The following ADGRG4 variants were observed in gnomAD, a reference collection of about 807,000 sequenced individuals.
ADGRG4 encodes adhesion G protein-coupled receptor G4.
ADGRG4 carries 122 observed loss-of-function variants against 126.2 expected under a neutral mutation model. The observed-to-expected ratio is 0.97, with a 90% CI of 0.83 to 1.12. The LOEUF is 1.12. ADGRG4 is among the 50% of genes most tolerant of loss of function. The pLI, the probability that ADGRG4 is intolerant of heterozygous loss-of-function variation, is 0.00. For synonymous variants in ADGRG4, 943 were observed against 838.7 expected, an observed-to-expected ratio of 1.12 and a Z score of -2.15; for missense variants, 2,481 against 2,251.8, an observed-to-expected ratio of 1.10 and a Z score of -2.06.
intron 7 of ADGRG4, among the ~76,000 whole-genome samples, chrX:136,352,368 T>C (rs2075067908): frequency 9.0e-6 from 1 of 110,813 alleles, no homozygotes; most frequent in African/African-American, 3.3e-5. Flanking sequence ...TTCTTCTCTA[T>C]TTAGAAACAA....
chrX:136,317,221 C>T (rs768977880), intron 4 of ADGRG4, among the ~76,000 whole-genome samples: 9 of 110,917 alleles, frequency 8.1e-5, no homozygotes, highest in African/African-American at 1.6e-4. Context: ...CCAAAAGCGG[C>T]CGGGCGTGGT....
chrX:136,399,787 G>A (rs1391616461), intron 20 of ADGRG4, 61 bp from the exon 21 acceptor site: 22 of 949,550 alleles, frequency 2.3e-5, no homozygotes, highest in Non-Finnish European at 3.0e-5. Flanking sequence ...AAGATGTGGC[G>A]ATGTTTAATT....
intron 14 of ADGRG4, among the ~76,000 whole-genome samples, chrX:136,372,462 C>A (rs145809904): frequency 1.2e-3 from 132 of 111,679 alleles, no homozygotes; most frequent in African/African-American, 4.2e-3. Context: ...CCGGAGTAAT[C>A]TTTTAATGTA....
At position 136,349,898 on chromosome X, in the gene ADGRG4, G is replaced by A. The variant is rs761358981; in HGVS notation, c.6192G>A (p.Met2064Ile). Residue 2064 changes from methionine (M) to isoleucine (I), a missense_variant, in exon 6 of 26, where the codon ATG becomes ATA. By Grantham distance (10) the Met-to-Ile change is conservative (BLOSUM62 1). Coordinates refer to ENST00000394143, the MANE Select transcript of ADGRG4 (RefSeq NM_153834.4). Reference sequence around the variant, plus strand: ...TGACAACACTACCCTCTGCTACTATGAGCACCATACTCACCCGAACCATTC... The same window carrying A: ...TGACAACACTACCCTCTGCTACTATAAGCACCATACTCACCCGAACCATTC... ...TNLTTLPSATMSTILTRTIPT... is the reference protein window; with the variant it reads ...TNLTTLPSATISTILTRTIPT... 6 of 1,208,663 alleles carry A rather than the reference G, an allele frequency of 5.0e-6. No individual in the cohort carries two copies. The Admixed American group carries it at 1.1e-4, about 22-fold the overall frequency.
intron 4 of ADGRG4, among the ~76,000 whole-genome samples, chrX:136,312,416 C>T (rs1297243479): frequency 8.9e-6 from 1 of 111,746 alleles, no homozygotes; most frequent in Non-Finnish European, 1.9e-5. Flanking sequence ...CACTTGAGCT[C>T]AGGAGTTTGA....
At chrX:136,328,957 C>G (rs1465645999) in intron 5 of ADGRG4, among the ~76,000 whole-genome samples, 1 of 111,594 alleles carries the variant, frequency 9.0e-6, no homozygotes, top group Non-Finnish European at 1.9e-5. Context: ...CTCCTATAGA[C>G]TCAGAGATAG....
intron 18 of ADGRG4, among the ~76,000 whole-genome samples, chrX:136,395,136 T>C (rs1357687420): frequency 9.0e-6 from 1 of 111,103 alleles, no homozygotes; most frequent in Non-Finnish European, 1.9e-5. Context: ...TTAGAGTCTG[T>C]CCTAATTTGT....
chrX:136,359,194 A>G (rs1344200086), intron 10 of ADGRG4, 98 bp from the exon 11 acceptor site: 1 of 653,286 alleles, frequency 1.5e-6, no homozygotes, highest in African/African-American at 2.2e-5. Context: ...TTTATGAACT[A>G]CCAATTAAAT....
intron 16 of ADGRG4, among the ~76,000 whole-genome samples, chrX:136,388,766 T>A (rs1160791407): frequency 8.9e-6 from 1 of 111,868 alleles, no homozygotes; most frequent in Non-Finnish European, 1.9e-5. Context: ...TGTTAATATT[T>A]ACATTTATTA....
At position 136,371,393 on chromosome X, in the gene ADGRG4, GA is replaced by G. The variant is rs2075192828; in HGVS notation, c.7464del (p.Glu2489ArgfsTer18). 6 of 1,195,910 alleles carry G rather than the reference GA, an allele frequency of 5.0e-6. No homozygotes were observed. The highest frequency in any genetic ancestry group is 1.8e-5 in the African/African-American group (1 of 56,917). ...AAATGAATCCCCAGCCCTGGGTAAA[GA>G]AGAGACAAAGATTATTGTTTCTAAA... ...LINESPALGK[E>X]ETKIIVSKIS... On this transcript the variant is annotated frameshift_variant, in exon 14 of 26. Coordinates refer to ENST00000394143, the MANE Select transcript of ADGRG4 (RefSeq NM_153834.4). LOFTEE classifies it high-confidence loss of function.
At chrX:136,330,210 T>C (rs1180656063) in intron 5 of ADGRG4, among the ~76,000 whole-genome samples, 5 of 111,212 alleles carry the variant, frequency 4.5e-5, no homozygotes, top group Admixed American at 1.9e-4. Context: ...CTAATACTAG[T>C]AGGATCCCTC....
chrX:136,364,559 C>T (rs1015857372), intron 13 of ADGRG4, among the ~76,000 whole-genome samples: 2 of 111,669 alleles, frequency 1.8e-5, no homozygotes, highest in African/African-American at 6.5e-5. Flanking sequence ...TTTAGGTTGT[C>T]AGTAACATTT....
At position 136,317,905 on chromosome X, in the gene ADGRG4, A is replaced by G. The variant is rs767521355; in HGVS notation, c.71-4873A>G. 9.8e-5 allele frequency among the ~76,000 whole-genome samples: 11 copies of G among 112,397 alleles called. No homozygotes were observed. In the East Asian group the frequency reaches 2.8e-3, roughly 28 times the overall value. ...AATGGAAAACAACAAGTGTTGGCTA[A>G]GATGTGGAGAAATTGGAGCCCTCAT... On this transcript the variant is annotated intron_variant, in intron 4 of 25. Coordinates refer to ENST00000394143, the MANE Select transcript of ADGRG4 (RefSeq NM_153834.4).
chrX:136,382,623 C>G (rs2075269971), intron 15 of ADGRG4, among the ~76,000 whole-genome samples: 1 of 111,602 alleles, frequency 9.0e-6, no homozygotes, highest in South Asian at 3.8e-4. Flanking sequence ...TTGTAGTTTC[C>G]CATTGACCTT....
chrX:136,351,670 AG>A, intron 7 of ADGRG4, 129 bp downstream of exon 7: 1 of 291,703 alleles, frequency 3.4e-6, no homozygotes, highest in Admixed American at 6.3e-5. Flanking sequence ...ACAGCTAAGT[AG>A]TTTTTTTTTT....
At chrX:136,313,752 G>A (rs972627237) in intron 4 of ADGRG4, among the ~76,000 whole-genome samples, 29 of 111,665 alleles carry the variant, frequency 2.6e-4, no homozygotes, top group Non-Finnish European at 4.0e-4. Flanking sequence ...TTTTCCCCAT[G>A]TTGTTCACCG....
At chrX:136,308,391 T>G (rs200493389) in intron 3 of ADGRG4, among the ~76,000 whole-genome samples, 1 of 112,437 alleles carries the variant, frequency 8.9e-6, no homozygotes, top group East Asian at 2.8e-4. Context: ...ATTACAGGCA[T>G]GAGCTACAGC....
At chrX:136,361,952 T>C (rs1312568454) in intron 12 of ADGRG4, among the ~76,000 whole-genome samples, 1 of 112,123 alleles carries the variant, frequency 8.9e-6, no homozygotes, top group East Asian at 2.8e-4. Context: ...TATTCTTGTA[T>C]CAATAATGTA....
Position 136,347,562 on chromosome X carries a change from T to C in ADGRG4, c.3856T>C (p.Ser1286Pro). The change falls in exon 6 of 26, where the codon TCA (serine) becomes CCA (proline). Residue 1286 changes from serine (S) to proline (P), a missense_variant. By Grantham distance (74) the Ser-to-Pro change is moderately conservative. Coordinates refer to ENST00000394143, the MANE Select transcript of ADGRG4 (RefSeq NM_153834.4). ...EMSPSKNSFI[S>P]YSRGTPSLEM... ...GTCCCCATCAAAGAATTCTTTTATTTCATACTCCCGGGGTACTCCATCTTT... is the reference window on the plus strand; with the variant it reads ...GTCCCCATCAAAGAATTCTTTTATTCCATACTCCCGGGGTACTCCATCTTT... The C allele has an allele frequency of 8.3e-7, 1 of 1,208,269 alleles. No homozygotes were observed.
Sources: gnomAD v4.1 joint callset for allele counts (sites outside exome capture counted in the v4.1 genomes callset) on GRCh38, gnomAD v4.1.1 for gene constraint, MANE v1.5 for transcripts, NCBI Gene and HGNC (gene_info 2026-07-23, HGNC 2026-07-21) for gene names.